The following NELL1 variants were observed in gnomAD, a reference collection of about 807,000 sequenced individuals.
NELL1 encodes the protein protein kinase C-binding protein NELL1.
In NELL1, 76 loss-of-function variants were observed where a neutral mutation model predicts 107.4. The observed-to-expected ratio is 0.71, with a 90% CI of 0.59 to 0.86. The LOEUF (loss-of-function observed/expected upper bound fraction) is 0.86, where lower values mean the gene tolerates loss of function less well. Ranked by LOEUF, NELL1 falls within the 40% of genes least tolerant of loss-of-function variation. The probability of loss-of-function intolerance (pLI) is 0.00; values close to 1 mark genes in which losing one functional copy is unlikely to be tolerated. For missense variants in NELL1, 1,024 were observed against 1,005.5 expected, an observed-to-expected ratio of 1.02 and a Z score of -0.25; for synonymous variants, 353 against 341.2, an observed-to-expected ratio of 1.03 and a Z score of -0.38.
intron 13 of NELL1, among the ~76,000 whole-genome samples, chr11:21,144,053 A>G (rs180977601): frequency 6.6e-5 from 10 of 152,336 alleles, no homozygotes. Flanking sequence ...GGAAAAACAC[A>G]CATAACATCC....
intron 2 of NELL1, among the ~76,000 whole-genome samples, chr11:20,755,029 C>A (rs566029397): frequency 5.3e-5 from 8 of 152,290 alleles, no homozygotes; most frequent in Admixed American, 1.3e-4. Flanking sequence ...TGAGAAACAA[C>A]TTCCCCAACC....
intron 12 of NELL1, among the ~76,000 whole-genome samples, chr11:20,962,228 T>G (rs1851305076): frequency 6.6e-6 from 1 of 152,120 alleles, no homozygotes. Flanking sequence ...ATACTTCATA[T>G]TAATATTTAT....
chr11:21,425,619 A>C (rs563466935), intron 15 of NELL1, among the ~76,000 whole-genome samples: 3 of 152,208 alleles, frequency 2.0e-5, no homozygotes, highest in Admixed American at 6.5e-5. Context: ...TGGAAAAAGC[A>C]AGGAAACCAA....
intron 14 of NELL1, among the ~76,000 whole-genome samples, chr11:21,264,822 T>C (rs1848605093): frequency 6.6e-6 from 1 of 151,918 alleles, no homozygotes; most frequent in Admixed American, 6.6e-5. Context: ...CATTGACTCA[T>C]GTATCCTTTC....
intron 2 of NELL1, among the ~76,000 whole-genome samples, chr11:20,681,092 T>C (rs1820042251): frequency 6.6e-6 from 1 of 152,102 alleles, no homozygotes; most frequent in African/African-American, 2.4e-5. Flanking sequence ...TCTCAAAAAG[T>C]TGTTTAACCA....
intron 13 of NELL1, among the ~76,000 whole-genome samples, chr11:21,137,945 G>T (rs1199193553): frequency 6.6e-6 from 1 of 152,190 alleles, no homozygotes; most frequent in South Asian, 2.1e-4. Context: ...GAAAACCAGC[G>T]CTACCCTATG....
intron 15 of NELL1, among the ~76,000 whole-genome samples, chr11:21,418,211 G>A (rs1383766121): frequency 6.6e-6 from 1 of 151,976 alleles, no homozygotes; most frequent in East Asian, 1.9e-4. Flanking sequence ...TCTGCTTCTG[G>A]GGATGGTGGT....
chr11:21,188,189 T>G (rs1320724018), intron 13 of NELL1, among the ~76,000 whole-genome samples: 1 of 151,896 alleles, frequency 6.6e-6, no homozygotes, highest in African/African-American at 2.4e-5. Flanking sequence ...ATACATTTTT[T>G]GCTTCTGTTC....
chr11:21,485,566 C>G (rs1479065080), intron 15 of NELL1, among the ~76,000 whole-genome samples: 1 of 151,854 alleles, frequency 6.6e-6, no homozygotes, highest in Non-Finnish European at 1.5e-5. Flanking sequence ...ATACTACCGC[C>G]TCTGCTTGCG....
At chr11:20,715,575 A>G (rs1855230969) in intron 2 of NELL1, among the ~76,000 whole-genome samples, 1 of 152,212 alleles carries the variant, frequency 6.6e-6, no homozygotes, top group African/African-American at 2.4e-5. Context: ...GGAAAGGAAT[A>G]AATAAGTGCA....
chr11:21,482,006 C>A (rs1854506418), intron 15 of NELL1, among the ~76,000 whole-genome samples: 1 of 152,024 alleles, frequency 6.6e-6, no homozygotes, highest in Admixed American at 6.6e-5. Flanking sequence ...GTTTATAATT[C>A]CCCTCCCTGT....
rs572343012 is a variant in NELL1 at position 21,246,887 on chromosome 11, G to A, written c.1549+17433G>A. On this transcript the variant is annotated intron_variant, in intron 14 of 19. Coordinates refer to ENST00000357134, the MANE Select transcript of NELL1 (RefSeq NM_006157.5). ...CTCTTATAAAATCATCAGCTCTTGC[G>A]AGATTTATTCACTATCACAAGAACA... Among the ~76,000 whole-genome samples the A allele has an allele frequency of 2.5e-3, 380 of 152,234 alleles. 2 individuals carry two copies. Among genetic ancestry groups the A allele is most frequent in the African/African-American group, 8.6e-3 (358 of 41,550 alleles).
chr11:21,559,290 G>C (rs552708722), intron 16 of NELL1, among the ~76,000 whole-genome samples: 115 of 152,150 alleles, frequency 7.6e-4, no homozygotes, highest in African/African-American at 2.6e-3. Context: ...TTACTCGGTA[G>C]TATATTTCAT....
chr11:21,258,097 T>G (rs1858815373), intron 14 of NELL1, among the ~76,000 whole-genome samples: 1 of 151,976 alleles, frequency 6.6e-6, no homozygotes, highest in African/African-American at 2.4e-5. Context: ...TGAAGCAAGT[T>G]TAAGGTTTGG....
intron 12 of NELL1, among the ~76,000 whole-genome samples, chr11:20,985,373 A>G (rs1388902190): frequency 6.6e-6 from 1 of 152,200 alleles, no homozygotes; most frequent in Non-Finnish European, 1.5e-5. Context: ...TATCATTTTT[A>G]TTTTTGAATA....
chr11:20,979,446 A>G (rs1851705640), intron 12 of NELL1, among the ~76,000 whole-genome samples: 1 of 152,174 alleles, frequency 6.6e-6, no homozygotes, highest in Non-Finnish European at 1.5e-5. Context: ...GTTATCTTCC[A>G]TGTAAATAGC....
At chr11:21,445,898 G>A (rs1853413569) in intron 15 of NELL1, among the ~76,000 whole-genome samples, 1 of 152,002 alleles carries the variant, frequency 6.6e-6, no homozygotes, top group African/African-American at 2.4e-5. Context: ...ATAGATTTGG[G>A]AATTTCTCTG....
chr11:20,877,842 C>G lies in NELL1; in HGVS notation c.507-7602C>G, dbSNP rs78111904. Among the ~76,000 whole-genome samples, 1,300 of 152,138 alleles carry G rather than the reference C, an allele frequency of 8.5e-3. 17 individuals carry two copies. The highest frequency in any genetic ancestry group is 0.03 in the African/African-American group (1,245 of 41,494). On this transcript the variant is annotated intron_variant, in intron 4 of 19. Coordinates refer to ENST00000357134, the MANE Select transcript of NELL1 (RefSeq NM_006157.5). ...GGCATGCAAAATTCCTATAATTCTC[C>G]CCGTACAGCTTAATAGGTAGCACCT...
chr11:21,245,932 C>T (rs1467410782), intron 14 of NELL1, among the ~76,000 whole-genome samples: 3 of 152,140 alleles, frequency 2.0e-5, no homozygotes, highest in African/African-American at 4.8e-5. Flanking sequence ...ACTTTAGATT[C>T]AGTCTCTGTT....
Sources: gnomAD v4.1 joint callset for allele counts (sites outside exome capture counted in the v4.1 genomes callset) on GRCh38, gnomAD v4.1.1 for gene constraint, MANE v1.5 for transcripts, NCBI Gene and HGNC (gene_info 2026-07-23, HGNC 2026-07-21) for gene names.